The following SNTG1 variants were observed in gnomAD, a reference collection of about 807,000 sequenced individuals.
The protein encoded by SNTG1 is gamma-1-syntrophin.
In SNTG1, 39 loss-of-function variants were observed where a neutral mutation model predicts 74.7. The ratio of observed to expected loss-of-function variants is 0.52; its 90% CI spans 0.40 to 0.68. The LOEUF (loss-of-function observed/expected upper bound fraction) is 0.68, where lower values mean the gene tolerates loss of function less well. SNTG1 is among the 30% of genes least tolerant of loss of function. The pLI is 0.00. For missense variants in SNTG1, 685 were observed against 609.5 expected (o/e 1.12, Z -1.30); for synonymous variants, 254 against 217.1 (o/e 1.17, Z -1.49).
chr8:50,318,542 T>TGGC (rs1177767422), intron 2 of SNTG1, among the ~76,000 whole-genome samples: 1 of 152,166 alleles, frequency 6.6e-6, no homozygotes, highest in Non-Finnish European at 1.5e-5. Context: ...ACAATACAAA[T>TGGC]GGCGCTGTGT....
intron 2 of SNTG1, among the ~76,000 whole-genome samples, chr8:50,298,396 C>T (rs1171692675): frequency 1.3e-5 from 2 of 152,044 alleles, no homozygotes; most frequent in Admixed American, 1.3e-4. Context: ...CAAAGATGCA[C>T]TCTCAAGAAG....
At chr8:50,523,076 G>A (rs80351120) in intron 9 of SNTG1, among the ~76,000 whole-genome samples, 2,702 of 152,142 alleles carry the variant, frequency 0.018, 95 homozygotes, top group African/African-American at 0.062. Context: ...ATCTTTTCTT[G>A]AGTCTCATAA....
chr8:50,188,310 C>A (rs961728119), intron 2 of SNTG1, among the ~76,000 whole-genome samples: 3 of 152,124 alleles, frequency 2.0e-5, no homozygotes, highest in African/African-American at 4.8e-5. Flanking sequence ...AGTCCCCCAT[C>A]TTTAGCCCTC....
intron 2 of SNTG1, among the ~76,000 whole-genome samples, chr8:50,345,041 A>G: frequency 6.6e-6 from 1 of 152,186 alleles, no homozygotes; most frequent in East Asian, 1.9e-4. Context: ...GATAGAAACC[A>G]GACCTGCTGA....
intron 15 of SNTG1, among the ~76,000 whole-genome samples, chr8:50,694,559 A>T (rs2095396406): frequency 6.6e-6 from 1 of 152,136 alleles, no homozygotes. Context: ...ATAATTCATG[A>T]GGGAACACTT....
At chr8:49,954,576 T>A (rs990985645) in intron 1 of SNTG1, among the ~76,000 whole-genome samples, 6 of 152,208 alleles carry the variant, frequency 3.9e-5, no homozygotes, top group African/African-American at 1.4e-4. Flanking sequence ...TTTAATTTTT[T>A]ATTCTAATAC....
intron 8 of SNTG1, 116 bp from the exon 9 acceptor site, chr8:50,502,662 T>C: frequency 1.3e-6 from 1 of 754,966 alleles, no homozygotes; most frequent in Non-Finnish European, 2.1e-6. Flanking sequence ...ATAAAATGTT[T>C]CTGAATACTA....
At chr8:50,150,655 G>A (rs1291471983) in intron 1 of SNTG1, among the ~76,000 whole-genome samples, 1 of 152,132 alleles carries the variant, frequency 6.6e-6, no homozygotes, top group Non-Finnish European at 1.5e-5. Flanking sequence ...AGATAATCAT[G>A]TGGTTTTTGT....
At chr8:50,118,032 T>G (rs919797421) in intron 1 of SNTG1, among the ~76,000 whole-genome samples, 1 of 152,156 alleles carries the variant, frequency 6.6e-6, no homozygotes, top group Non-Finnish European at 1.5e-5. Flanking sequence ...TTAGGTTGCA[T>G]TTTACAGAAA....
rs190816847 is a variant in SNTG1, at chr8:49,937,143, C to T, written c.-103+24912C>T. On this transcript the variant is annotated intron_variant, in intron 1 of 18. Coordinates refer to ENST00000642720, the MANE Select transcript of SNTG1 (RefSeq NM_018967.5). ...CAGCCTGGGGGACAGAGCTAGACTC[C>T]GTCTCAAAACAAACAAACAAACAAA... Among the ~76,000 whole-genome samples, 25 of 152,018 alleles carry T rather than the reference C, an allele frequency of 1.6e-4. No homozygotes were observed. In the East Asian group the frequency reaches 1.7e-3, roughly 11 times the overall value.
At chr8:50,738,474 C>T (rs11993963) in intron 17 of SNTG1, among the ~76,000 whole-genome samples, 31,398 of 151,968 alleles carry the variant, frequency 0.21, 3,350 homozygotes, top group South Asian at 0.32. Flanking sequence ...GTGAAAATGG[C>T]CATACTGCCC....
At chr8:50,195,393 G>C (rs2083727950) in intron 2 of SNTG1, among the ~76,000 whole-genome samples, 1 of 152,012 alleles carries the variant, frequency 6.6e-6, no homozygotes, top group South Asian at 2.1e-4. Flanking sequence ...AAAAGGGCTT[G>C]GTTCTTCCCC....
At chr8:50,344,382 C>CT (rs1165949146) in intron 2 of SNTG1, among the ~76,000 whole-genome samples, 1 of 152,142 alleles carries the variant, frequency 6.6e-6, no homozygotes, top group African/African-American at 2.4e-5. Flanking sequence ...TGGTTGGTAG[C>CT]TGGGGCTGGT....
At chr8:50,117,787 A>C (rs1366022274) in intron 1 of SNTG1, among the ~76,000 whole-genome samples, 1 of 152,180 alleles carries the variant, frequency 6.6e-6, no homozygotes, top group African/African-American at 2.4e-5. Flanking sequence ...CCCAGGAACT[A>C]GGAGGAAGCC....
chr8:50,571,011 G>A (rs983896484), intron 12 of SNTG1, among the ~76,000 whole-genome samples: 18 of 151,836 alleles, frequency 1.2e-4, no homozygotes, highest in African/African-American at 2.9e-4. Context: ...CTACCCCTTC[G>A]CCAGCATCTG....
At chr8:49,920,375 C>T (rs1219680469) in intron 1 of SNTG1, among the ~76,000 whole-genome samples, 3 of 151,932 alleles carry the variant, frequency 2.0e-5, no homozygotes, top group African/African-American at 7.2e-5. Flanking sequence ...GCAAATGGGA[C>T]AATCAAGCTC....
chr8:49,979,592 C>A (rs1812495337), intron 1 of SNTG1, among the ~76,000 whole-genome samples: 2 of 152,186 alleles, frequency 1.3e-5, no homozygotes, highest in African/African-American at 4.8e-5. Flanking sequence ...CAGTTCTTGG[C>A]TTGGTCTGAC....
intron 15 of SNTG1, among the ~76,000 whole-genome samples, chr8:50,676,610 T>G (rs942424003): frequency 6.6e-6 from 1 of 151,944 alleles, no homozygotes; most frequent in Non-Finnish European, 1.5e-5. Flanking sequence ...TCTGATTCTT[T>G]TAGTTTTTTC....
At chr8:50,671,329 A>T (rs926840443) in intron 15 of SNTG1, among the ~76,000 whole-genome samples, 41 of 151,938 alleles carry the variant, frequency 2.7e-4, no homozygotes, top group African/African-American at 9.4e-4. Context: ...TCTACAATGA[A>T]CTCAAACAAA....
Sources: gnomAD v4.1 joint callset for allele counts (sites outside exome capture counted in the v4.1 genomes callset) on GRCh38, gnomAD v4.1.1 for gene constraint, MANE v1.5 for transcripts, NCBI Gene and HGNC (gene_info 2026-07-23, HGNC 2026-07-21) for gene names.